Variants in TMEM132D observed in about 807,000 individuals in gnomAD.
TMEM132D encodes the protein mature OL transmembrane protein.
Under a neutral mutation model 62.3 loss-of-function variants are expected in TMEM132D, and 21 were observed. The observed-to-expected ratio is 0.34, with a 90% confidence interval of 0.24 to 0.49. TMEM132D has a LOEUF of 0.49. Among genes scored for constraint, TMEM132D ranks in the 20% least tolerant of loss-of-function variants. The pLI is 0.99. For missense variants in TMEM132D, 1,346 were observed against 1,402.8 expected (o/e 0.96, Z 0.65); for synonymous variants, 621 against 575.6 (o/e 1.08, Z -1.13).
chr12:129,498,135 T>G (rs1875016651), intron 3 of TMEM132D, among the ~76,000 whole-genome samples: 1 of 152,206 alleles, frequency 6.6e-6, no homozygotes, highest in Non-Finnish European at 1.5e-5. Context: ...CATAGGAAGC[T>G]TTAATAATGA....
intron 2 of TMEM132D, among the ~76,000 whole-genome samples, chr12:129,664,059 T>C (rs2123074): frequency 0.24 from 36,712 of 152,164 alleles, 4,859 homozygotes; most frequent in African/African-American, 0.34. Context: ...TGAAGGAAAT[T>C]ATCATTGCTC....
intron 4 of TMEM132D, among the ~76,000 whole-genome samples, chr12:129,249,930 G>A (rs938149204): frequency 3.3e-5 from 5 of 152,124 alleles, no homozygotes; most frequent in Non-Finnish European, 5.9e-5. Context: ...AGCAGGCCCC[G>A]TGACCTTAAA....
intron 4 of TMEM132D, among the ~76,000 whole-genome samples, chr12:129,324,902 C>T (rs1316152235): frequency 1.3e-5 from 2 of 152,192 alleles, no homozygotes; most frequent in East Asian, 3.8e-4. Flanking sequence ...TCTTCTTTGT[C>T]ATTGCTGTTA....
At chr12:129,423,165 T>C (rs2135712086) in intron 3 of TMEM132D, among the ~76,000 whole-genome samples, 1 of 152,272 alleles carries the variant, frequency 6.6e-6, no homozygotes. Context: ...TCAATTCATA[T>C]GCACACACAT....
intron 2 of TMEM132D, among the ~76,000 whole-genome samples, chr12:129,629,096 C>A (rs1045588500): frequency 2.0e-5 from 3 of 152,110 alleles, no homozygotes; most frequent in African/African-American, 7.2e-5. Context: ...TACCCACCTT[C>A]GTGCCACCCT....
At chr12:129,286,652 T>C (rs1881305422) in intron 4 of TMEM132D, among the ~76,000 whole-genome samples, 1 of 152,202 alleles carries the variant, frequency 6.6e-6, no homozygotes, top group Non-Finnish European at 1.5e-5. Context: ...CAATCAGGAA[T>C]GTGAGCAAGG....
intron 1 of TMEM132D, among the ~76,000 whole-genome samples, chr12:129,814,445 C>T (rs1055638759): frequency 1.3e-5 from 2 of 151,818 alleles, no homozygotes; most frequent in South Asian, 2.1e-4. Flanking sequence ...CCTGTCTCTA[C>T]TAAAAATACA....
chr12:129,627,393 T>C (rs1187234580), intron 2 of TMEM132D, among the ~76,000 whole-genome samples: 2 of 152,202 alleles, frequency 1.3e-5, no homozygotes, highest in Non-Finnish European at 2.9e-5. Context: ...CAATAGGCTA[T>C]ACCATATAGA....
rs114490634 is a variant in TMEM132D, at chr12:129,367,604, G to C, written c.1116-29787C>G. The stretch of plus-strand genomic sequence containing the variant: ...GCTGCAAGGTCAAATGGATGGAGTT[G>C]CTTGTGGCCATCTCCGCGGCCAAGA... On this transcript the variant is annotated intron_variant, in intron 3 of 8. Coordinates refer to ENST00000422113, the MANE Select transcript of TMEM132D (RefSeq NM_133448.3). Among the ~76,000 whole-genome samples the C allele has an allele frequency of 3.2e-3, 486 of 152,212 alleles. 1 individual carries two copies. Among genetic ancestry groups the C allele is most frequent in the African/African-American group, 0.011 (464 of 41,524 alleles).
intron 1 of TMEM132D, among the ~76,000 whole-genome samples, chr12:129,820,405 A>G (rs1414460223): frequency 1.3e-5 from 2 of 152,192 alleles, no homozygotes; most frequent in East Asian, 1.9e-4. Flanking sequence ...CGAGTCTGGC[A>G]GAGCTACGGC....
chr12:129,242,292 T>C (rs562029112), intron 4 of TMEM132D, among the ~76,000 whole-genome samples: 2 of 152,336 alleles, frequency 1.3e-5, no homozygotes, highest in East Asian at 3.9e-4. Flanking sequence ...AGCAAAGTTG[T>C]AGAAGCATAT....
At chr12:129,541,163 C>T (rs1038641447) in intron 2 of TMEM132D, among the ~76,000 whole-genome samples, 1 of 152,130 alleles carries the variant, frequency 6.6e-6, no homozygotes, top group Non-Finnish European at 1.5e-5. Flanking sequence ...GAACCACTTA[C>T]CTTATTTTAT....
chr12:129,384,336 C>T (rs1871043263), intron 3 of TMEM132D, among the ~76,000 whole-genome samples: 2 of 152,160 alleles, frequency 1.3e-5, no homozygotes, highest in South Asian at 4.1e-4. Context: ...GGCTCCACCA[C>T]GCTGTCCGAG....
At chr12:129,183,433 T>A (rs936944124) in intron 5 of TMEM132D, among the ~76,000 whole-genome samples, 13 of 152,320 alleles carry the variant, frequency 8.5e-5, no homozygotes, top group African/African-American at 3.1e-4. Context: ...AACTCTGTCT[T>A]GTGGGTAGGA....
intron 4 of TMEM132D, among the ~76,000 whole-genome samples, chr12:129,307,062 A>ATTT (rs3045974): frequency 0.067 from 10,022 of 149,336 alleles, 604 homozygotes; most frequent in African/African-American, 0.16. Context: ...CAATAGACTG[A>ATTT]TTTTTTTTTT....
intron 1 of TMEM132D, among the ~76,000 whole-genome samples, chr12:129,842,318 G>C (rs943162904): frequency 6.6e-6 from 1 of 152,030 alleles, no homozygotes; most frequent in East Asian, 1.9e-4. Flanking sequence ...AAGTGATGGA[G>C]ACCCCTGGGG....
In TMEM132D at chr12:129,410,087, G is replaced by T. The variant is rs566574950; in HGVS notation, c.1116-72270C>A. Among the ~76,000 whole-genome samples the T allele has an allele frequency of 6.6e-5, 10 of 152,298 alleles. No individual in the cohort carries two copies. In the South Asian group the frequency reaches 2.1e-3, roughly 32 times the overall value. ...CCAGTGGAACTTTGTCCCATGATGG[G>T]TGTGTCCCAAGTGTGCCCATCCACT... On this transcript the variant is annotated intron_variant, in intron 3 of 8. Transcript: ENST00000422113.
At chr12:129,852,214 T>C (rs67851267) in intron 1 of TMEM132D, 10,179 of 152,252 alleles carry the variant, frequency 0.067, 385 homozygotes, top group African/African-American at 0.097. Context: ...CAAGTTTTAT[T>C]TTATTTGCTG....
intron 5 of TMEM132D, among the ~76,000 whole-genome samples, chr12:129,155,404 C>G (rs905955245): frequency 6.6e-6 from 1 of 152,152 alleles, no homozygotes; most frequent in African/African-American, 2.4e-5. Context: ...TAGAGAGGTA[C>G]TTTTTTTGAA....
Sources: allele counts gnomAD v4.1 joint callset (sites outside exome capture counted in the v4.1 genomes callset), GRCh38; gene constraint gnomAD v4.1.1; transcripts MANE v1.5; gene names NCBI Gene and HGNC (gene_info 2026-07-23, HGNC 2026-07-21).